Variants in SYT1 observed in about 807,000 individuals in gnomAD.
SYT1 encodes the protein synaptotagmin 1, also known as synaptotagmin-1.
A neutral mutation model predicts 44.8 loss-of-function variants in SYT1; 8 were observed. That is an observed-to-expected ratio of 0.18 (90% CI 0.10 to 0.32). SYT1 has a LOEUF of 0.32. SYT1 is among the 10% of genes least tolerant of loss of function. SYT1 has a pLI of 1.00. For missense variants in SYT1, 286 were observed against 509.3 expected (o/e 0.56, Z 4.22); for synonymous variants, 154 against 188.8 (o/e 0.82, Z 1.51).
At chr12:78,915,360 T>C (rs7973929) in intron 1 of SYT1, among the ~76,000 whole-genome samples, 1 of 151,912 alleles carries the variant, frequency 6.6e-6, no homozygotes, top group Non-Finnish European at 1.5e-5. Context: ...CAGAGTGATT[T>C]TGATGCATAG....
In SYT1 at chr12:79,020,670, G is replaced by A. The variant is rs554693140; in HGVS notation, c.-83-26627G>A. 1.3e-4 allele frequency among the ~76,000 whole-genome samples: 20 copies of A among 151,952 alleles called. No individual in the cohort carries two copies. The South Asian group carries it at 3.7e-3, about 28-fold the overall frequency. On this transcript the variant is annotated intron_variant, in intron 2 of 10. Coordinates refer to ENST00000261205, the MANE Select transcript of SYT1 (RefSeq NM_005639.3). Reference sequence around the variant, plus strand: ...GATACATCCATGAGTTTATATTGCTGCTATTGCCTGCTGTTCCCTGTCCAT... The same window carrying A: ...GATACATCCATGAGTTTATATTGCTACTATTGCCTGCTGTTCCCTGTCCAT...
intron 2 of SYT1, among the ~76,000 whole-genome samples, chr12:79,022,140 T>C (rs1872236651): frequency 6.6e-6 from 1 of 151,538 alleles, no homozygotes; most frequent in South Asian, 2.1e-4. Context: ...GAATACAAAG[T>C]TATTTGTGCT....
At position 78,891,232 on chromosome 12, in the gene SYT1, G is replaced by A. The variant is rs906651974; in HGVS notation, c.-217+26123G>A. On this transcript the variant is annotated intron_variant, in intron 1 of 10. Coordinates refer to ENST00000261205, the MANE Select transcript of SYT1 (RefSeq NM_005639.3). ...GCTAGCCGCCAACATATAATTTATG[G>A]TGTACAAAGCACTTTTACATGCTTT... 4.5e-4 allele frequency among the ~76,000 whole-genome samples: 69 copies of A among 151,824 alleles called. 1 individual carries two copies. The highest frequency in any genetic ancestry group is 1.8e-4 in the Non-Finnish European group (12 of 67,884).
intron 9 of SYT1, among the ~76,000 whole-genome samples, chr12:79,437,160 A>G (rs1870136230): frequency 6.6e-6 from 1 of 152,212 alleles, no homozygotes; most frequent in South Asian, 2.1e-4. Flanking sequence ...ACAATAAGTT[A>G]GGACGGGGCT....
chr12:79,228,925 T>C (rs1415495333), intron 4 of SYT1, among the ~76,000 whole-genome samples: 1 of 152,200 alleles, frequency 6.6e-6, no homozygotes, highest in Admixed American at 6.5e-5. Context: ...GATGAGAGGT[T>C]CCCTCATTTC....
At chr12:78,942,681 G>T (rs549984958) in intron 1 of SYT1, among the ~76,000 whole-genome samples, 5 of 152,314 alleles carry the variant, frequency 3.3e-5, no homozygotes, top group African/African-American at 1.2e-4. Context: ...GTAAAATAGG[G>T]TATTAGTTCA....
intron 3 of SYT1, among the ~76,000 whole-genome samples, chr12:79,090,132 C>T (rs900738851): frequency 1.2e-4 from 18 of 151,962 alleles, no homozygotes; most frequent in African/African-American, 4.1e-4. Context: ...TGCTTTTAGT[C>T]AGTAATATGT....
At chr12:79,155,924 C>T (rs181048416) in intron 3 of SYT1, among the ~76,000 whole-genome samples, 75 of 152,336 alleles carry the variant, frequency 4.9e-4, no homozygotes, top group African/African-American at 1.7e-3. Flanking sequence ...CAGTGGATAA[C>T]TTGATTGCCT....
chr12:79,113,804 A>G (rs915932759), intron 3 of SYT1, among the ~76,000 whole-genome samples: 9 of 152,154 alleles, frequency 5.9e-5, no homozygotes, highest in African/African-American at 1.9e-4. Context: ...AGTGTCCTGT[A>G]ACCTCACCCA....
intron 1 of SYT1, among the ~76,000 whole-genome samples, chr12:78,970,124 G>C (rs1193904826): frequency 2.6e-5 from 4 of 152,146 alleles, no homozygotes; most frequent in Non-Finnish European, 5.9e-5. Flanking sequence ...AGAAAAAGGT[G>C]AGTTGCTGCT....
chr12:79,344,459 GT>G (rs1882516963), intron 8 of SYT1, among the ~76,000 whole-genome samples: 3 of 152,092 alleles, frequency 2.0e-5, no homozygotes, highest in African/African-American at 7.2e-5. Context: ...CTTTTTGTTT[GT>G]TTTTGTTATT....
At chr12:79,120,824 A>G (rs2138131896) in intron 3 of SYT1, among the ~76,000 whole-genome samples, 1 of 152,196 alleles carries the variant, frequency 6.6e-6, no homozygotes, top group African/African-American at 2.4e-5. Context: ...AATCCAATGC[A>G]TGTAGCAGTT....
intron 4 of SYT1, among the ~76,000 whole-genome samples, chr12:79,277,518 A>G (rs1295511532): frequency 6.6e-6 from 1 of 152,190 alleles, no homozygotes; most frequent in Non-Finnish European, 1.5e-5. Context: ...GCTCAAAGGA[A>G]TGGTAAACAT....
At chr12:79,117,716 A>AATATATATATATAT (rs1879379542) in intron 3 of SYT1, among the ~76,000 whole-genome samples, 1 of 92,650 alleles carries the variant, frequency 1.1e-5, no homozygotes, top group African/African-American at 3.8e-5. Context: ...TATATATATA[A>AATATATATATATAT]AATAAATAGG....
intron 2 of SYT1, among the ~76,000 whole-genome samples, chr12:78,982,373 T>C (rs1176812113): frequency 6.6e-6 from 1 of 152,150 alleles, no homozygotes; most frequent in African/African-American, 2.4e-5. Flanking sequence ...GTTTCTAAAA[T>C]CCCTTTTAAC....
At chr12:79,292,197 C>G in intron 6 of SYT1, 67 bp downstream of exon 6, 20 of 1,536,658 alleles carry the variant, frequency 1.3e-5, no homozygotes, top group Admixed American at 2.0e-5. Flanking sequence ...GAAATTGCAG[C>G]AAGATACCTC....
chr12:79,211,663 TC>T (rs1243186734), intron 3 of SYT1, among the ~76,000 whole-genome samples: 2 of 148,466 alleles, frequency 1.3e-5, no homozygotes, highest in Non-Finnish European at 3.0e-5. Flanking sequence ...ATTGTTCAAT[TC>T]CCACCTAGGA....
chr12:79,416,608 C>T (rs907547935), intron 9 of SYT1, among the ~76,000 whole-genome samples: 1 of 152,036 alleles, frequency 6.6e-6, no homozygotes, highest in Non-Finnish European at 1.5e-5. Flanking sequence ...AAAAACTCAG[C>T]TAATAATACA....
At chr12:79,016,598 A>G (rs1431716457) in intron 2 of SYT1, among the ~76,000 whole-genome samples, 1 of 152,094 alleles carries the variant, frequency 6.6e-6, no homozygotes, top group African/African-American at 2.4e-5. Flanking sequence ...TTATACATTT[A>G]AAGGGGAAAA....
Sources: gnomAD v4.1 joint callset for allele counts (sites outside exome capture counted in the v4.1 genomes callset) on GRCh38, gnomAD v4.1.1 for gene constraint, MANE v1.5 for transcripts, NCBI Gene and HGNC (gene_info 2026-07-23, HGNC 2026-07-21) for gene names.